SKAP1: variants seen among roughly 807,000 people sequenced by gnomAD.
SKAP1 encodes src kinase associated phosphoprotein 1.
Under a neutral mutation model 58.5 loss-of-function variants are expected in SKAP1, and 44 were observed. The ratio of observed to expected loss-of-function variants is 0.75; its 90% CI spans 0.59 to 0.97. The LOEUF (loss-of-function observed/expected upper bound fraction) is 0.97, where lower values mean the gene tolerates loss of function less well. Ranked by LOEUF, SKAP1 falls within the 50% of genes least tolerant of loss-of-function variation. SKAP1 has a pLI of 0.00. For missense variants in SKAP1, 390 were observed against 435.2 expected (o/e 0.90, Z 0.92); for synonymous variants, 127 against 149.7 (o/e 0.85, Z 1.11).
chr17:48,266,137 C>T (rs755399168), intron 4 of SKAP1, among the ~76,000 whole-genome samples: 22 of 152,098 alleles, frequency 1.4e-4, no homozygotes, highest in Non-Finnish European at 1.5e-5. Context: ...CACACCTACA[C>T]ACACCCACAC....
intron 1 of SKAP1, among the ~76,000 whole-genome samples, chr17:48,413,117 G>T (rs557992583): frequency 1.5e-4 from 23 of 151,400 alleles, no homozygotes; most frequent in African/African-American, 5.1e-4. Flanking sequence ...CATATCTCTA[G>T]TATTATATGT....
intron 4 of SKAP1, among the ~76,000 whole-genome samples, chr17:48,328,182 G>A (rs1386108277): frequency 6.6e-6 from 1 of 152,070 alleles, no homozygotes; most frequent in Non-Finnish European, 1.5e-5. Flanking sequence ...GATACTACTC[G>A]CCTCATGAGA....
At chr17:48,248,451 C>T (rs1197089747) in intron 4 of SKAP1, among the ~76,000 whole-genome samples, 1 of 152,102 alleles carries the variant, frequency 6.6e-6, no homozygotes, top group African/African-American at 2.4e-5. Flanking sequence ...CCTGTAATCC[C>T]AGCTACTCAT....
At chr17:48,197,878 T>C (rs1401152261) in intron 4 of SKAP1, among the ~76,000 whole-genome samples, 1 of 152,194 alleles carries the variant, frequency 6.6e-6, no homozygotes, top group Non-Finnish European at 1.5e-5. Flanking sequence ...AGGAGACCTG[T>C]GGTCTTGCAA....
At chr17:48,199,432 CTG>C (rs1241379384) in intron 4 of SKAP1, among the ~76,000 whole-genome samples, 1 of 152,232 alleles carries the variant, frequency 6.6e-6, no homozygotes. Context: ...TGCCAGGTCT[CTG>C]TGTATTCTGT....
intron 1 of SKAP1, among the ~76,000 whole-genome samples, chr17:48,417,686 A>G (rs2067748036): frequency 6.6e-6 from 1 of 151,496 alleles, no homozygotes; most frequent in Non-Finnish European, 1.5e-5. Flanking sequence ...CAGAGGTTGC[A>G]GTGAGCTGAG....
At chr17:48,239,829 T>TGA (rs143281552) in intron 4 of SKAP1, among the ~76,000 whole-genome samples, 73,624 of 138,340 alleles carry the variant, frequency 0.53, 20,485 homozygotes, top group East Asian at 0.76. Flanking sequence ...GTAATTAGAA[T>TGA]GAGAGAGAGA....
chr17:48,394,820 A>G (rs557122106), intron 2 of SKAP1, among the ~76,000 whole-genome samples: 1 of 152,336 alleles, frequency 6.6e-6, no homozygotes, highest in South Asian at 2.1e-4. Context: ...TAACAGAATG[A>G]TGATTGAATG....
At chr17:48,193,485 C>T (rs902541404) in intron 4 of SKAP1, among the ~76,000 whole-genome samples, 2 of 152,160 alleles carry the variant, frequency 1.3e-5, no homozygotes, top group Admixed American at 1.3e-4. Flanking sequence ...GAGGTCAGAT[C>T]AGTCTCTAGT....
intron 4 of SKAP1, among the ~76,000 whole-genome samples, chr17:48,227,545 C>G (rs2065083241): frequency 6.6e-6 from 1 of 152,184 alleles, no homozygotes; most frequent in Non-Finnish European, 1.5e-5. Flanking sequence ...GCACTAACAC[C>G]TTGTGTTAAG....
chr17:48,336,097 TCTG>T (rs1215529889), intron 4 of SKAP1, among the ~76,000 whole-genome samples: 6 of 152,130 alleles, frequency 3.9e-5, no homozygotes, highest in Non-Finnish European at 8.8e-5. Flanking sequence ...GCTAGAGAAT[TCTG>T]ATCTCTTTCA....
chr17:48,167,783 A>C (rs2064159333), intron 10 of SKAP1, among the ~76,000 whole-genome samples: 1 of 152,146 alleles, frequency 6.6e-6, no homozygotes. Context: ...TTTTTATTTG[A>C]CATAGCACAT....
At chr17:48,307,332 G>C (rs2066157345) in intron 4 of SKAP1, 1 of 152,260 alleles carries the variant, frequency 6.6e-6, no homozygotes, top group South Asian at 2.1e-4. Flanking sequence ...TGTTTGGAGT[G>C]TGGAGAAAAG....
At chr17:48,338,427 C>T (rs1321482820) in intron 4 of SKAP1, among the ~76,000 whole-genome samples, 1 of 152,168 alleles carries the variant, frequency 6.6e-6, no homozygotes, top group Non-Finnish European at 1.5e-5. Flanking sequence ...TCTGGGATTA[C>T]AGGCATGAGT....
intron 1 of SKAP1, 141 bp from the exon 2 acceptor site, chr17:48,396,926 A>AT: frequency 2.1e-6 from 1 of 465,480 alleles, no homozygotes; most frequent in African/African-American, 2.3e-5. Flanking sequence ...TTAAAGTATA[A>AT]TAAAAAAAAA....
chr17:48,390,300 A>G (rs1302565098), intron 2 of SKAP1, among the ~76,000 whole-genome samples: 1 of 152,242 alleles, frequency 6.6e-6, no homozygotes, highest in Non-Finnish European at 1.5e-5. Context: ...TTAAACAGAG[A>G]AAATAGCATA....
intron 1 of SKAP1, among the ~76,000 whole-genome samples, chr17:48,416,589 C>T (rs1412354947): frequency 1.3e-5 from 2 of 152,134 alleles, no homozygotes; most frequent in Non-Finnish European, 2.9e-5. Flanking sequence ...ACCATGCCTG[C>T]CACACCAAAA....
intron 2 of SKAP1, among the ~76,000 whole-genome samples, chr17:48,364,018 A>G (rs1330856041): frequency 6.6e-6 from 1 of 152,204 alleles, no homozygotes; most frequent in Non-Finnish European, 1.5e-5. Context: ...CATTTAATTC[A>G]CTGAAATTCC....
chr17:48,416,890 T>C (rs1336539535), intron 1 of SKAP1, among the ~76,000 whole-genome samples: 4 of 152,218 alleles, frequency 2.6e-5, no homozygotes, highest in Non-Finnish European at 5.9e-5. Context: ...TCTAAGACTT[T>C]AGTGTTTAAT....
Sources: gnomAD v4.1 joint callset for allele counts (sites outside exome capture counted in the v4.1 genomes callset) on GRCh38, gnomAD v4.1.1 for gene constraint, MANE v1.5 for transcripts, NCBI Gene and HGNC (gene_info 2026-07-23, HGNC 2026-07-21) for gene names.